The following SLC28A3 variants were observed in gnomAD, a reference collection of about 807,000 sequenced individuals.
SLC28A3 encodes solute carrier family 28 member 3.
SLC28A3 carries 68 observed loss-of-function variants against 84.2 expected under a neutral mutation model. That is an observed-to-expected ratio of 0.81 (90% CI 0.66 to 0.99). The LOEUF (loss-of-function observed/expected upper bound fraction) is 0.99, where lower values mean the gene tolerates loss of function less well. SLC28A3 is among the 50% of genes least tolerant of loss of function. SLC28A3 has a pLI of 0.00. For missense variants in SLC28A3, 712 were observed against 841.5 expected (o/e 0.85, Z 1.90); for synonymous variants, 267 against 303.6 (o/e 0.88, Z 1.25).
chr9:84,348,806 T>C, the SLC28A3 span, among the ~76,000 whole-genome samples: 1 of 152,230 alleles, frequency 6.6e-6, no homozygotes, highest in African/African-American at 2.4e-5. Flanking sequence ...TGTGCTCACT[T>C]GCCTTTCCAC....
chr9:84,336,223 C>G (rs1012966115), intron 1 of SLC28A3, among the ~76,000 whole-genome samples: 1 of 151,976 alleles, frequency 6.6e-6, no homozygotes, highest in African/African-American at 2.4e-5. Context: ...AGAATTAGGT[C>G]GGGCACGGTG....
At chr9:84,359,378 T>C in the SLC28A3 span, among the ~76,000 whole-genome samples, 1 of 152,210 alleles carries the variant, frequency 6.6e-6, no homozygotes, top group Non-Finnish European at 1.5e-5. Flanking sequence ...AAGATGTTCA[T>C]TGTAGTATTA....
intron 1 of SLC28A3, among the ~76,000 whole-genome samples, chr9:84,332,884 G>C (rs1221116634): frequency 6.6e-6 from 1 of 152,132 alleles, no homozygotes; most frequent in African/African-American, 2.4e-5. Context: ...TTGTTCCTCA[G>C]AATATTCCAT....
intron 15 of SLC28A3, among the ~76,000 whole-genome samples, 183 bp from the exon 16 acceptor site, chr9:84,280,256 C>T (rs984463942): frequency 2.0e-5 from 3 of 151,740 alleles, no homozygotes; most frequent in Admixed American, 6.6e-5. Context: ...GAGAAATTCT[C>T]TGCTGTGGGA....
At chr9:84,319,589 T>TGTTGG (rs1826294431) in intron 1 of SLC28A3, among the ~76,000 whole-genome samples, 1 of 152,166 alleles carries the variant, frequency 6.6e-6, no homozygotes, top group African/African-American at 2.4e-5. Flanking sequence ...CCCTTGCGGC[T>TGTTGG]GTTGGGTTAT....
chr9:84,306,833 G>A (rs1168569117), intron 3 of SLC28A3, among the ~76,000 whole-genome samples: 1 of 151,828 alleles, frequency 6.6e-6, no homozygotes, highest in East Asian at 1.9e-4. Flanking sequence ...ATGCATTAGC[G>A]GGTTATGAAG....
intron 12 of SLC28A3, among the ~76,000 whole-genome samples, chr9:84,287,696 T>TAA (rs992550501): frequency 6.6e-5 from 10 of 151,572 alleles, no homozygotes; most frequent in Non-Finnish European, 1.2e-4. Flanking sequence ...ACCCTGTTTC[T>TAA]AAAAAAAATT....
At position 84,280,033 on chromosome 9, in the gene SLC28A3, C is replaced by T. The variant is rs769734255; in HGVS notation, c.1770G>A (p.Gly590=). 11 of 1,613,876 alleles carry T rather than the reference C, an allele frequency of 6.8e-6. No individual in the cohort carries two copies. Among genetic ancestry groups the T allele is most frequent in the Non-Finnish European group, 9.3e-6 (11 of 1,180,034 alleles). ...TCCCCGCAATCAGAGCTCTCACTGC[C>T]CCCGAGGCGATATCACGCTTTCTGG... ...APSRKRDIAS[G]AVRALIAGTV... The change falls in exon 16 of 18, where the codon GGG becomes GGA. Residue 590 remains glycine (G), a synonymous_variant. Coordinates refer to ENST00000376238, the MANE Select transcript of SLC28A3 (RefSeq NM_001199633.2).
the SLC28A3 span, among the ~76,000 whole-genome samples, chr9:84,366,731 C>T: frequency 3.3e-5 from 5 of 152,182 alleles, no homozygotes; most frequent in Non-Finnish European, 7.3e-5. Flanking sequence ...TACTTTCTCC[C>T]AAACAAACAG....
At position 84,297,233 on chromosome 9, in the gene SLC28A3, G is replaced by T; in HGVS notation, c.849C>A (p.Phe283Leu). The change falls in exon 8 of 18, where the codon TTC becomes TTA. Residue 283 changes from phenylalanine (F) to leucine (L), a missense_variant. Phe to Leu is a conservative substitution (Grantham distance 22). Transcript: ENST00000376238. ...FVFGEKYKDHFFAFKVLPIVV... is the reference protein window; with the variant it reads ...FVFGEKYKDHLFAFKVLPIVV... ...GGTTTGACTTTACCTTAAATGCAAA[G>T]AAGTGGTCTTTGTATTTCTCACCAA... The T allele has an allele frequency of 1.2e-6, 2 of 1,613,346 alleles. No individual in the cohort carries two copies. Among genetic ancestry groups the T allele is most frequent in the Non-Finnish European group, 8.5e-7 (1 of 1,179,740 alleles).
rs1824723406 is a variant in SLC28A3 at position 84,280,849 on chromosome 9, A to G, written c.1681T>C (p.Cys561Arg). ...RSEIIATYAL[C>R]GFANIGSLGI... ...AGGGACCCGATATTGGCAAAACCAC[A>G]GAGAGCGTAAGTGGCGATTATCTCA... Residue 561 changes from cysteine (C) to arginine (R), a missense_variant, in exon 15 of 18, where the codon TGT becomes CGT. Physicochemically the swap from Cys to Arg is radical, Grantham distance 180. Coordinates refer to ENST00000376238, the MANE Select transcript of SLC28A3 (RefSeq NM_001199633.2). 8 of 1,614,064 alleles carry G rather than the reference A, an allele frequency of 5.0e-6. No homozygotes were observed. The highest frequency in any genetic ancestry group is 1.3e-5 in the African/African-American group (1 of 74,936).
chr9:84,361,521 C>T, the SLC28A3 span, among the ~76,000 whole-genome samples: 2 of 152,288 alleles, frequency 1.3e-5, no homozygotes, highest in African/African-American at 4.8e-5. Context: ...TAGATGATCT[C>T]TGTGCTCCCT....
At chr9:84,290,839 A>AC (rs71366929) in intron 10 of SLC28A3, among the ~76,000 whole-genome samples, 1 of 151,810 alleles carries the variant, frequency 6.6e-6, no homozygotes, top group African/African-American at 2.4e-5. Flanking sequence ...TTAAAAACAA[A>AC]CAAACAAACA....
chr9:84,339,656 G>T (rs1274552582), intron 1 of SLC28A3, among the ~76,000 whole-genome samples: 1 of 152,188 alleles, frequency 6.6e-6, no homozygotes, highest in Non-Finnish European at 1.5e-5. Context: ...TAAGAGGGTA[G>T]ATGAAGTTGT....
At chr9:84,292,572 A>T in intron 10 of SLC28A3, 96 bp downstream of exon 10, 1 of 950,940 alleles carries the variant, frequency 1.1e-6, no homozygotes, top group Non-Finnish European at 1.6e-6. Context: ...CATTTTCTCT[A>T]CACTAAAAGA....
chr9:84,359,674 C>A, the SLC28A3 span, among the ~76,000 whole-genome samples: 1 of 152,002 alleles, frequency 6.6e-6, no homozygotes, highest in Non-Finnish European at 1.5e-5. Flanking sequence ...CAGGTAGGAG[C>A]CTAAGAAAAG....
the SLC28A3 span, among the ~76,000 whole-genome samples, chr9:84,348,877 C>T: frequency 2.0e-5 from 3 of 152,106 alleles, no homozygotes; most frequent in Non-Finnish European, 4.4e-5. Flanking sequence ...TTGGACTTCC[C>T]AGTCTCCAGA....
upstream of SLC28A3, chr9:84,340,831 G>T: frequency 1.7e-6 from 1 of 573,282 alleles, no homozygotes. Context: ...AGGCGGGCGG[G>T]TTGGCGGGGT....
At chr9:84,282,067 G>A (rs1824775369) in intron 14 of SLC28A3, among the ~76,000 whole-genome samples, 1 of 152,174 alleles carries the variant, frequency 6.6e-6, no homozygotes, top group Admixed American at 6.5e-5. Context: ...ACTTGAACCC[G>A]GGAGGCAGAG....
Sources: allele counts gnomAD v4.1 joint callset (sites outside exome capture counted in the v4.1 genomes callset), GRCh38; gene constraint gnomAD v4.1.1; transcripts MANE v1.5; gene names NCBI Gene and HGNC (gene_info 2026-07-23, HGNC 2026-07-21).